Variants in CRYZ observed in about 807,000 individuals in gnomAD.
CRYZ encodes crystallin zeta, also known as zeta-crystallin.
CRYZ carries 35 observed loss-of-function variants against 34.1 expected under a neutral mutation model. That is an observed-to-expected ratio of 1.03 (90% CI 0.78 to 1.36). The LOEUF (loss-of-function observed/expected upper bound fraction) is 1.36, where lower values mean the gene tolerates loss of function less well. CRYZ is among the 40% of genes most tolerant of loss of function. CRYZ has a pLI of 0.00. For missense variants in CRYZ, 403 were observed against 391.8 expected (o/e 1.03, Z -0.24); for synonymous variants, 137 against 136.5 (o/e 1.00, Z -0.03).
chr1:74,712,118 G>A (rs1647012223), intron 5 of CRYZ, among the ~76,000 whole-genome samples: 1 of 152,082 alleles, frequency 6.6e-6, no homozygotes, highest in Non-Finnish European at 1.5e-5. Flanking sequence ...AGAAATCAAA[G>A]TAATTTAAGA....
intron 1 of CRYZ, among the ~76,000 whole-genome samples, chr1:74,726,176 G>A (rs1647328154): frequency 6.6e-6 from 1 of 152,334 alleles, no homozygotes; most frequent in South Asian, 2.1e-4. Flanking sequence ...TCCCAGTAGG[G>A]ACTCTGCGTG....
rs1002971389 is a variant in CRYZ at position 74,714,638 on chromosome 1, G to A, written c.429-8C>T. ...CCAGCTTTCACACAGGCACTGCAAA[G>A]GAAAGCATAAGTTACATCACCTTAT... is the stretch of plus-strand genomic sequence containing the variant. On this transcript the variant is annotated splice_polypyrimidine_tract_variant and splice_region_variant and intron_variant, in intron 4 of 8. Transcript: ENST00000340866. 70 of 1,613,376 alleles carry A rather than the reference G, an allele frequency of 4.3e-5. No homozygotes were observed. Among genetic ancestry groups the A allele is most frequent in the Non-Finnish European group, 5.8e-5 (69 of 1,179,518 alleles).
intron 1 of CRYZ, among the ~76,000 whole-genome samples, chr1:74,725,459 AT>A (rs1163270304): frequency 6.6e-6 from 1 of 152,166 alleles, no homozygotes; most frequent in Non-Finnish European, 1.5e-5. Context: ...TGTGAGACTT[AT>A]TCACTGTCAC....
intron 4 of CRYZ, among the ~76,000 whole-genome samples, chr1:74,716,410 T>C (rs534694732): frequency 6.6e-6 from 1 of 152,232 alleles, no homozygotes; most frequent in Non-Finnish European, 1.5e-5. Context: ...CAGCCTGGCC[T>C]TCCATGCTGC....
At chr1:74,719,472 T>A in intron 3 of CRYZ, 100 bp from the exon 4 acceptor site, 1 of 1,113,278 alleles carries the variant, frequency 9.0e-7, no homozygotes, top group Non-Finnish European at 1.3e-6. Context: ...TACTCATATA[T>A]TGTCCTCTAT....
chr1:74,713,557 T>C (rs1385735649), intron 5 of CRYZ, among the ~76,000 whole-genome samples: 1 of 152,176 alleles, frequency 6.6e-6, no homozygotes, highest in African/African-American at 2.4e-5. Context: ...ATTGATCTAT[T>C]TGAAGTGTAG....
At chr1:74,711,707 C>T (rs988373297) in intron 5 of CRYZ, among the ~76,000 whole-genome samples, 7 of 151,888 alleles carry the variant, frequency 4.6e-5, no homozygotes, top group Non-Finnish European at 1.0e-4. Context: ...TTGCAGTGAT[C>T]ATGCCACTGC....
intron 5 of CRYZ, 83 bp from the exon 6 acceptor site, chr1:74,710,330 CT>C (rs1166036607): frequency 6.1e-6 from 8 of 1,310,704 alleles, no homozygotes; most frequent in Admixed American, 2.2e-5. Flanking sequence ...CTTAAGATTC[CT>C]ATAGGACCCA....
At chr1:74,718,397 T>C (rs1647105483) in intron 4 of CRYZ, among the ~76,000 whole-genome samples, 1 of 152,142 alleles carries the variant, frequency 6.6e-6, no homozygotes, top group African/African-American at 2.4e-5. Flanking sequence ...GTCTCCTGAA[T>C]AAAGCATTTC....
intron 4 of CRYZ, among the ~76,000 whole-genome samples, chr1:74,715,111 A>G (rs1197295637): frequency 6.6e-6 from 1 of 152,200 alleles, no homozygotes; most frequent in East Asian, 1.9e-4. Flanking sequence ...TTTCTTCTCC[A>G]TGTCTCTGAA....
At position 74,707,178 on chromosome 1, in the gene CRYZ, A is replaced by G. The variant is rs1161929046; in HGVS notation, c.657T>C (p.Asp219=). The change falls in exon 7 of 9, where the codon GAT becomes GAC. Residue 219 remains aspartate (D), a synonymous_variant. Coordinates refer to ENST00000340866, the MANE Select transcript of CRYZ (RefSeq NM_001889.4). ...IKKYVGEKGI[D]IIIEMLANVN... is the part of the protein sequence containing the mutation. ...CATTAGCTAACATTTCAATAATTAT[A>G]TCAATTCCTTTCTCACCAACATACT... is the stretch of plus-strand genomic sequence containing the variant. 5.1e-6 allele frequency: 8 copies of G among 1,572,354 alleles called. No homozygotes were observed. In the South Asian group the frequency reaches 5.8e-5, roughly 11 times the overall value.
intron 6 of CRYZ, among the ~76,000 whole-genome samples, chr1:74,709,148 A>G (rs1646968622): frequency 6.6e-6 from 1 of 152,156 alleles, no homozygotes; most frequent in Non-Finnish European, 1.5e-5. Context: ...AAAGAGGAGA[A>G]GAGAAAGGGG....
intron 1 of CRYZ, among the ~76,000 whole-genome samples, chr1:74,727,458 CAAAAAAA>C (rs3041452): frequency 1.7e-4 from 12 of 71,922 alleles, no homozygotes; most frequent in African/African-American, 6.8e-4. Flanking sequence ...CTAAAAAATA[CAAAAAAA>C]AAAAAAAAAA....
intron 4 of CRYZ, among the ~76,000 whole-genome samples, chr1:74,718,937 T>G (rs1037407096): frequency 6.6e-6 from 1 of 152,168 alleles, no homozygotes; most frequent in Non-Finnish European, 1.5e-5. Flanking sequence ...TCTCTACCAC[T>G]GTACTTTCCA....
chr1:74,724,125 T>C (rs1647221369), intron 2 of CRYZ, among the ~76,000 whole-genome samples: 1 of 152,184 alleles, frequency 6.6e-6, no homozygotes, highest in Non-Finnish European at 1.5e-5. Context: ...GTTACAGCAC[T>C]GTATCTCTAC....
At chr1:74,729,140 T>TTTG (rs1647551699) in intron 1 of CRYZ, among the ~76,000 whole-genome samples, 2 of 151,974 alleles carry the variant, frequency 1.3e-5, no homozygotes, top group African/African-American at 4.8e-5. Context: ...TTTTGTTTTT[T>TTTG]TTTTTTTCAA....
intron 2 of CRYZ, 72 bp downstream of exon 2, chr1:74,724,638 TC>T: frequency 1.1e-6 from 1 of 932,726 alleles, no homozygotes; most frequent in Non-Finnish European, 1.7e-6. Context: ...TGAGTCTGCT[TC>T]TTTTTAATAC....
At chr1:74,707,072 T>TAAAAAA in intron 7 of CRYZ, 31 bp downstream of exon 7, 1 of 1,389,284 alleles carries the variant, frequency 7.2e-7, no homozygotes, top group South Asian at 1.3e-5. Context: ...ATTAAAGTGG[T>TAAAAAA]AAAAAAAAAA....
chr1:74,729,349 G>C (rs1017850270), intron 1 of CRYZ, among the ~76,000 whole-genome samples: 1 of 151,610 alleles, frequency 6.6e-6, no homozygotes, highest in African/African-American at 2.4e-5. Context: ...GCAAACACAT[G>C]ATCTTGTATA....
Sources: allele counts gnomAD v4.1 joint callset (sites outside exome capture counted in the v4.1 genomes callset), GRCh38; gene constraint gnomAD v4.1.1; transcripts MANE v1.5; gene names NCBI Gene and HGNC (gene_info 2026-07-23, HGNC 2026-07-21).